The following DTWD2 variants were observed in gnomAD, a reference collection of about 807,000 sequenced individuals.
The protein encoded by DTWD2 is tRNA-uridine aminocarboxypropyltransferase 2.
A neutral mutation model predicts 31.8 loss-of-function variants in DTWD2; 39 were observed. The observed-to-expected ratio is 1.22, with a 90% CI of 0.95 to 1.60. The LOEUF is 1.60. Ranked by LOEUF, DTWD2 falls within the 40% of genes most tolerant of loss-of-function variation. DTWD2 has a pLI of 0.00. For missense variants in DTWD2, 515 were observed against 381.5 expected (o/e 1.35, Z -2.92); for synonymous variants, 180 against 142.8 (o/e 1.26, Z -1.86).
At chr5:118,872,134 G>C (rs1243803085) in intron 4 of DTWD2, among the ~76,000 whole-genome samples, 2 of 152,152 alleles carry the variant, frequency 1.3e-5, no homozygotes, top group Non-Finnish European at 2.9e-5. Context: ...GAATTGAAGA[G>C]AGTTAGAGCC....
chr5:118,988,164 A>C lies in DTWD2; in HGVS notation c.218+130T>G, dbSNP rs1483645289. ...GTGCCTGGCATTTCCGAGATTTCCA[A>C]CGTGCACCCGCCAACTCCGCCGCCC... On this transcript the variant is annotated intron_variant, in intron 1 of 5. Coordinates refer to ENST00000510708, the MANE Select transcript of DTWD2 (RefSeq NM_173666.4). 3 of 1,161,446 alleles carry C rather than the reference A, an allele frequency of 2.6e-6. No individual in the cohort carries two copies. In the African/African-American group the frequency reaches 4.5e-5, roughly 18 times the overall value. 71.9% of individuals were successfully genotyped at this position (1,161,446 alleles called of 1,614,324 possible). A position where few individuals can be genotyped will look rare whatever the true frequency, so the allele number is the denominator to read the frequency against.
At position 118,950,034 on chromosome 5, in the gene DTWD2, C is replaced by A. The variant is rs1329986594; in HGVS notation, c.219-5385G>T. 4.0e-5 allele frequency among the ~76,000 whole-genome samples: 6 copies of A among 151,806 alleles called. No individual in the cohort carries two copies. In the East Asian group the frequency reaches 1.2e-3, roughly 29 times the overall value. Reference sequence around the variant, plus strand: ...GACCATCCTGGCTAACATGGTGAAACCCCGTCACTATTAAAAATACAAAAA... The same window carrying A: ...GACCATCCTGGCTAACATGGTGAAAACCCGTCACTATTAAAAATACAAAAA... On this transcript the variant is annotated intron_variant, in intron 1 of 5. Transcript: ENST00000510708.
chr5:118,933,784 G>A (rs958363649), intron 3 of DTWD2, among the ~76,000 whole-genome samples: 3 of 151,410 alleles, frequency 2.0e-5, no homozygotes, highest in Non-Finnish European at 4.4e-5. Context: ...TAAGAAAAGG[G>A]AACCAAAGAT....
At chr5:118,948,845 A>T (rs779275741) in intron 1 of DTWD2, among the ~76,000 whole-genome samples, 2 of 152,088 alleles carry the variant, frequency 1.3e-5, no homozygotes, top group Non-Finnish European at 2.9e-5. Flanking sequence ...AGGTCAGCTA[A>T]GTTTCTTTTT....
At chr5:118,906,114 T>C (rs1469992635) in intron 4 of DTWD2, among the ~76,000 whole-genome samples, 3 of 152,132 alleles carry the variant, frequency 2.0e-5, no homozygotes, top group Admixed American at 2.0e-4. Context: ...TATTAGTCAA[T>C]AGCAAATGAA....
chr5:118,933,878 C>CTAAATAAA (rs202062539), intron 3 of DTWD2, among the ~76,000 whole-genome samples: 207 of 145,408 alleles, frequency 1.4e-3, no homozygotes, highest in South Asian at 3.1e-3. Flanking sequence ...GGGAACTGAC[C>CTAAATAAA]TAAATAAATA....
chr5:118,957,090 T>C (rs1754603847), intron 1 of DTWD2, among the ~76,000 whole-genome samples: 1 of 152,164 alleles, frequency 6.6e-6, no homozygotes, highest in African/African-American at 2.4e-5. Flanking sequence ...AGATAACATC[T>C]TCCATGTCTG....
intron 3 of DTWD2, among the ~76,000 whole-genome samples, chr5:118,933,737 C>T (rs573945282): frequency 5.3e-5 from 8 of 152,000 alleles, no homozygotes; most frequent in African/African-American, 1.9e-4. Context: ...ACAAGGATGT[C>T]CTCTCACCAC....
chr5:118,968,454 C>A (rs759158284), intron 1 of DTWD2, among the ~76,000 whole-genome samples: 1 of 152,202 alleles, frequency 6.6e-6, no homozygotes, highest in Non-Finnish European at 1.5e-5. Flanking sequence ...GGTTCTCACA[C>A]TGGGACTCAC....
intron 4 of DTWD2, among the ~76,000 whole-genome samples, chr5:118,908,678 C>A (rs1753389055): frequency 6.7e-6 from 1 of 149,912 alleles, no homozygotes; most frequent in African/African-American, 2.5e-5. Flanking sequence ...AAGAAACCAA[C>A]TCACTGATAC....
chr5:118,846,495 T>C (rs779589069), intron 5 of DTWD2, among the ~76,000 whole-genome samples: 2 of 152,174 alleles, frequency 1.3e-5, no homozygotes, highest in Non-Finnish European at 2.9e-5. Flanking sequence ...CTAAGGAATA[T>C]ACTTTTCCCT....
chr5:118,975,799 A>T lies in DTWD2; in HGVS notation c.218+12495T>A, dbSNP rs299196. 4.5e-3 allele frequency among the ~76,000 whole-genome samples: 693 copies of T among 152,308 alleles called. 13 individuals carry two copies. The highest frequency in any genetic ancestry group is 0.016 in the African/African-American group (645 of 41,566). On this transcript the variant is annotated intron_variant, in intron 1 of 5. Transcript: ENST00000510708. ...GGACCGATCAATGAGACAGAAAATT[A>T]AAAAGGATATGCAGGACTTGAACTC...
At chr5:118,867,957 C>G (rs1346188580) in intron 4 of DTWD2, among the ~76,000 whole-genome samples, 1 of 152,006 alleles carries the variant, frequency 6.6e-6, no homozygotes, top group Non-Finnish European at 1.5e-5. Context: ...CAATAAACTG[C>G]AAATAGTCAA....
At chr5:118,914,775 A>C (rs1344830089) in intron 4 of DTWD2, among the ~76,000 whole-genome samples, 1 of 152,212 alleles carries the variant, frequency 6.6e-6, no homozygotes, top group Non-Finnish European at 1.5e-5. Context: ...TCTTCCAGGA[A>C]TGCAGGCACA....
At chr5:118,903,960 C>T (rs1425978542) in intron 4 of DTWD2, among the ~76,000 whole-genome samples, 1 of 151,940 alleles carries the variant, frequency 6.6e-6, no homozygotes. Context: ...GATAGAGGAT[C>T]TAAAGCTCTG....
chr5:118,877,444 C>T (rs376544099), intron 4 of DTWD2, among the ~76,000 whole-genome samples: 1 of 151,870 alleles, frequency 6.6e-6, no homozygotes, highest in South Asian at 2.1e-4. Context: ...TGCACTCCAG[C>T]CCGGGTGACA....
intron 4 of DTWD2, among the ~76,000 whole-genome samples, chr5:118,926,672 T>G (rs1169053784): frequency 6.6e-6 from 1 of 152,202 alleles, no homozygotes; most frequent in African/African-American, 2.4e-5. Context: ...GCGGAAATAT[T>G]GCATCCATCT....
intron 4 of DTWD2, among the ~76,000 whole-genome samples, chr5:118,879,045 T>C (rs936937638): frequency 9.2e-5 from 14 of 152,152 alleles, no homozygotes; most frequent in Non-Finnish European, 1.9e-4. Context: ...TGGGGGGCTG[T>C]AAATCAGCTC....
chr5:118,927,816 A>C (rs1396725970), intron 4 of DTWD2, among the ~76,000 whole-genome samples: 1 of 152,142 alleles, frequency 6.6e-6, no homozygotes, highest in Non-Finnish European at 1.5e-5. Flanking sequence ...AGGTGCAAGG[A>C]ATTCTAGTAT....
Sources: allele counts gnomAD v4.1 joint callset (sites outside exome capture counted in the v4.1 genomes callset), GRCh38; gene constraint gnomAD v4.1.1; transcripts MANE v1.5; gene names NCBI Gene and HGNC (gene_info 2026-07-23, HGNC 2026-07-21).